SYNRG: variants seen among roughly 807,000 people sequenced by gnomAD.
The protein encoded by SYNRG is AP1 gamma subunit binding protein 1.
SYNRG carries 37 observed loss-of-function variants against 130.9 expected under a neutral mutation model. That is an observed-to-expected ratio of 0.28 (90% CI 0.22 to 0.37). The LOEUF (loss-of-function observed/expected upper bound fraction) is 0.37, where lower values mean the gene tolerates loss of function less well. SYNRG is among the 10% of genes least tolerant of loss of function. SYNRG has a pLI of 1.00. For synonymous variants in SYNRG, 539 were observed against 568.1 expected (o/e 0.95, Z 0.73); for missense variants, 1,338 against 1,588.9 (o/e 0.84, Z 2.68).
intron 15 of SYNRG, chr17:37,540,922 C>A: frequency 1.0e-6 from 1 of 999,424 alleles, no homozygotes; most frequent in Non-Finnish European, 1.2e-6. Context: ...GTGTGAGCCA[C>A]CGCGCCCAGC....
At chr17:37,521,908 T>C (rs1472344864) in intron 19 of SYNRG, among the ~76,000 whole-genome samples, 2 of 151,862 alleles carry the variant, frequency 1.3e-5, no homozygotes, top group African/African-American at 4.8e-5. Flanking sequence ...GGTTTGAGGA[T>C]GGAAGCTGAG....
intron 13 of SYNRG, among the ~76,000 whole-genome samples, chr17:37,556,881 T>C (rs551786848): frequency 6.6e-6 from 1 of 152,108 alleles, no homozygotes; most frequent in African/African-American, 2.4e-5. Flanking sequence ...TGCTTTGAAA[T>C]ATCTGTGAAA....
At chr17:37,543,011 A>G (rs2057914555) in intron 14 of SYNRG, among the ~76,000 whole-genome samples, 1 of 152,234 alleles carries the variant, frequency 6.6e-6, no homozygotes, top group Admixed American at 6.5e-5. Flanking sequence ...AAAATAATTA[A>G]AAGTTGACAG....
intron 8 of SYNRG, among the ~76,000 whole-genome samples, chr17:37,575,881 A>G (rs981065736): frequency 2.6e-5 from 4 of 151,232 alleles, no homozygotes; most frequent in African/African-American, 2.4e-5. Context: ...TATCCTTCAC[A>G]TCTTCCAATG....
chr17:37,588,908 G>A (rs1330954458), intron 3 of SYNRG, among the ~76,000 whole-genome samples: 3 of 152,070 alleles, frequency 2.0e-5, no homozygotes, highest in Admixed American at 1.3e-4. Context: ...CCTTTCTTGA[G>A]GAACATTCAA....
intron 19 of SYNRG, among the ~76,000 whole-genome samples, chr17:37,529,389 T>A (rs565613159): frequency 1.8e-4 from 28 of 152,158 alleles, no homozygotes; most frequent in Admixed American, 1.6e-3. Context: ...GGGTGATGAT[T>A]GGGAAGGTGC....
intron 18 of SYNRG, among the ~76,000 whole-genome samples, chr17:37,537,732 G>A (rs1248115509): frequency 2.0e-5 from 3 of 152,200 alleles, no homozygotes; most frequent in African/African-American, 2.4e-5. Context: ...GGGAAGTACC[G>A]GGGTAGGGAG....
At chr17:37,600,570 A>G (rs2063180450) in intron 1 of SYNRG, 167 bp from the exon 2 acceptor site, 1 of 744,138 alleles carries the variant, frequency 1.3e-6, no homozygotes, top group African/African-American at 1.7e-5. Context: ...CATAGGATGC[A>G]TGTCAGCATG....
At chr17:37,589,276 G>T (rs1390148894) in intron 3 of SYNRG, among the ~76,000 whole-genome samples, 3 of 152,162 alleles carry the variant, frequency 2.0e-5, no homozygotes, top group Non-Finnish European at 4.4e-5. Flanking sequence ...GAAGAAGGAT[G>T]ATCCATACTA....
intron 10 of SYNRG, among the ~76,000 whole-genome samples, 193 bp from the exon 11 acceptor site, chr17:37,569,117 T>C (rs2060217828): frequency 6.6e-6 from 1 of 152,252 alleles, no homozygotes. Context: ...CTGGTTTAAA[T>C]AGCTAATTTA....
At chr17:37,526,820 G>T (rs1179948974) in intron 19 of SYNRG, among the ~76,000 whole-genome samples, 1 of 152,084 alleles carries the variant, frequency 6.6e-6, no homozygotes, top group Non-Finnish European at 1.5e-5. Flanking sequence ...GATAATCCAG[G>T]ATACCTTCCC....
In SYNRG at chr17:37,515,329, C is replaced by G. The variant is rs1449577041; in HGVS notation, c.*3611G>C. 1 of 152,160 alleles carries G rather than the reference C, an allele frequency of 6.6e-6. No homozygotes were observed. The highest frequency in any genetic ancestry group is 1.5e-5 in the Non-Finnish European group (1 of 68,028). 9.4% of individuals were successfully genotyped at this position (152,160 alleles called of 1,614,324 possible). ...AAAAACATAGTCGACACACATCTTG[C>G]CCTGCATTCTGACATTTGCTGGAAT... On this transcript the variant is annotated 3_prime_UTR_variant, in exon 22 of 22. Transcript: ENST00000612223.
chr17:37,596,369 A>C, intron 2 of SYNRG, 25 bp from the exon 3 acceptor site: 4 of 1,611,958 alleles, frequency 2.5e-6, no homozygotes, highest in Non-Finnish European at 3.4e-6. Context: ...ACATTATTAA[A>C]GTCAATGTGT....
At chr17:37,522,709 C>T (rs1437953027) in intron 19 of SYNRG, among the ~76,000 whole-genome samples, 5 of 148,094 alleles carry the variant, frequency 3.4e-5, no homozygotes, top group Non-Finnish European at 7.4e-5. Context: ...GGCGCAATCT[C>T]GGCTCACTGC....
At chr17:37,541,089 T>C (rs1188222647) in intron 15 of SYNRG, 1 of 985,594 alleles carries the variant, frequency 1.0e-6, no homozygotes, top group Admixed American at 6.1e-5. Flanking sequence ...CTCTGATCTA[T>C]CACAAGTCTT....
Position 37,596,361 on chromosome 17 carries a change from A to T in SYNRG, c.119-17T>A. ...TCAGGCCTGCTGAAAATATAAAGAC[A>T]TTATTAAAGTCAATGTGTTTTAAAG... On this transcript the variant is annotated splice_polypyrimidine_tract_variant and intron_variant, in intron 2 of 21. Coordinates refer to ENST00000612223, the MANE Select transcript of SYNRG (RefSeq NM_007247.6). 5 of 1,612,738 alleles carry T rather than the reference A, an allele frequency of 3.1e-6. No homozygotes were observed. Among genetic ancestry groups the T allele is most frequent in the Non-Finnish European group, 4.2e-6 (5 of 1,179,574 alleles).
In SYNRG at chr17:37,586,619, T is replaced by C. The variant is rs112545887; in HGVS notation, c.241-70A>G. ...TAATTATCACACACAAAAATGTGACTTCCATAAATTCTATCTTAATACTCT... is the reference window on the plus strand; with the variant it reads ...TAATTATCACACACAAAAATGTGACCTCCATAAATTCTATCTTAATACTCT... On this transcript the variant is annotated intron_variant, in intron 3 of 21. Transcript: ENST00000612223. The C allele has an allele frequency of 3.2e-6, 5 of 1,552,670 alleles. No individual in the cohort carries two copies. The African/African-American group carries it at 6.8e-5, about 21-fold the overall frequency.
At chr17:37,572,818 T>C (rs11870876) in intron 8 of SYNRG, among the ~76,000 whole-genome samples, 27,344 of 152,114 alleles carry the variant, frequency 0.18, 2,654 homozygotes, top group Admixed American at 0.29. Flanking sequence ...GGTGAGTTTT[T>C]GACAATAACA....
In SYNRG at chr17:37,570,882, C is replaced by T; in HGVS notation, c.1102G>A (p.Gly368Ser). Residue 368 changes from glycine to serine, a missense_variant, in exon 10 of 22, where the codon GGC becomes AGC. This residue lies in a region of SYNRG where 1,146 missense variants were observed against 1,342.3 expected (regional missense o/e 0.85). Transcript: ENST00000612223. ...GCATCAGGACTCATTGCAGGAACGC[C>T]CCTCTACAAATGATAGAAAGAAAAT... Reference protein sequence around the residue: ...VLAMIAVTQRGVPAMSPDALN... With the variant: ...VLAMIAVTQRSVPAMSPDALN... 6.2e-7 allele frequency: 1 copy of T among 1,612,210 alleles called. No homozygotes were observed. Among genetic ancestry groups the T allele is most frequent in the Admixed American group, 1.7e-5 (1 of 59,612 alleles).
Sources: gnomAD v4.1 joint callset for allele counts (sites outside exome capture counted in the v4.1 genomes callset) on GRCh38, gnomAD v4.1.1 for gene constraint, gnomAD v4.1.1 regional missense constraint, MANE v1.5 for transcripts, NCBI Gene and HGNC (gene_info 2026-07-23, HGNC 2026-07-21) for gene names.